MAP2K4: variants seen among roughly 807,000 people sequenced by gnomAD.
MAP2K4 encodes the protein dual specificity mitogen-activated protein kinase kinase 4.
A neutral mutation model predicts 48.5 loss-of-function variants in MAP2K4; 4 were observed. The ratio of observed to expected loss-of-function variants is 0.08; its 90% CI spans 0.04 to 0.19. The LOEUF (loss-of-function observed/expected upper bound fraction) is 0.19, where lower values mean the gene tolerates loss of function less well. Among genes scored for constraint, MAP2K4 ranks in the 10% least tolerant of loss-of-function variants. The pLI is 1.00. For missense variants in MAP2K4, 258 were observed against 493.3 expected (o/e 0.52, Z 4.52); for synonymous variants, 166 against 173.1 (o/e 0.96, Z 0.32).
At chr17:12,114,368 C>T (rs1264325370) in intron 7 of MAP2K4, among the ~76,000 whole-genome samples, 1 of 148,796 alleles carries the variant, frequency 6.7e-6, no homozygotes, top group Non-Finnish European at 1.5e-5. Context: ...ACTTTTTCTT[C>T]AGATGAACAT....
intron 3 of MAP2K4, among the ~76,000 whole-genome samples, chr17:12,085,239 AAAG>A (rs1305914638): frequency 6.6e-6 from 1 of 152,178 alleles, no homozygotes; most frequent in Non-Finnish European, 1.5e-5. Flanking sequence ...ACCTGTCACT[AAAG>A]ATGATGGCAG....
chr17:12,140,366 T>C (rs1421970765), intron 10 of MAP2K4, among the ~76,000 whole-genome samples: 1 of 152,208 alleles, frequency 6.6e-6, no homozygotes, highest in African/African-American at 2.4e-5. Flanking sequence ...GAAAGTGTTG[T>C]GATCTAATAA....
chr17:12,105,805 T>C (rs1972091491), intron 4 of MAP2K4, among the ~76,000 whole-genome samples: 1 of 152,022 alleles, frequency 6.6e-6, no homozygotes, highest in Admixed American at 6.6e-5. Context: ...CTCTTTTCTG[T>C]CCCCCCTTCT....
chr17:12,140,318 T>C (rs1247735143), intron 10 of MAP2K4, among the ~76,000 whole-genome samples: 1 of 152,204 alleles, frequency 6.6e-6, no homozygotes, highest in Non-Finnish European at 1.5e-5. Flanking sequence ...TTGGGTGTTT[T>C]AAGCAGTCTA....
intron 3 of MAP2K4, among the ~76,000 whole-genome samples, chr17:12,086,563 C>G (rs546738821): frequency 6.6e-6 from 1 of 152,016 alleles, no homozygotes; most frequent in Non-Finnish European, 1.5e-5. Context: ...CAGTACTGTT[C>G]GGGGTTATGT....
Position 12,081,754 on chromosome 17 carries a change from A to G in MAP2K4, c.393+224A>G, listed in dbSNP as rs1367967105. The G allele has an allele frequency of 7.1e-6, 4 of 564,054 alleles. No individual in the cohort carries two copies. Among genetic ancestry groups the G allele is most frequent in the Admixed American group, 3.1e-5 (1 of 32,780 alleles). The allele number at this position is 564,054 out of a possible 1,614,324, so 34.9% of individuals were successfully genotyped here. On this transcript the variant is annotated intron_variant, in intron 3 of 10. Coordinates refer to ENST00000353533, the MANE Select transcript of MAP2K4 (RefSeq NM_003010.4). The surrounding 1 kb of genome is among the most constrained non-coding windows in gnomAD (Gnocchi z 4.2). ...TGTATGAAGTGTGCATGTTGATTGC[A>G]TTTTTGGCATGATGCATTAACATGT...
At chr17:12,085,447 T>C (rs1381420566) in intron 3 of MAP2K4, among the ~76,000 whole-genome samples, 1 of 151,880 alleles carries the variant, frequency 6.6e-6, no homozygotes, top group Non-Finnish European at 1.5e-5. Flanking sequence ...AAAACAGATC[T>C]GTTGTTTGAG....
intron 3 of MAP2K4, among the ~76,000 whole-genome samples, chr17:12,093,572 C>CA (rs1971634623): frequency 6.6e-6 from 1 of 151,916 alleles, no homozygotes; most frequent in Non-Finnish European, 1.5e-5. Context: ...TTTTGTGAAA[C>CA]AAAAGATAAA....
intron 1 of MAP2K4, among the ~76,000 whole-genome samples, chr17:12,029,895 G>A (rs1423026040): frequency 6.6e-6 from 1 of 151,424 alleles, no homozygotes; most frequent in Non-Finnish European, 1.5e-5. Flanking sequence ...TCCAGCATGA[G>A]CGACAGCAAG....
intron 8 of MAP2K4, among the ~76,000 whole-genome samples, chr17:12,127,526 A>C (rs1403327535): frequency 6.6e-6 from 1 of 152,234 alleles, no homozygotes; most frequent in East Asian, 1.9e-4. Context: ...ACTTTTAGCT[A>C]AACCTTGTTG....
At chr17:12,024,798 C>T (rs1598011193) in intron 1 of MAP2K4, among the ~76,000 whole-genome samples, 1 of 152,130 alleles carries the variant, frequency 6.6e-6, no homozygotes, top group East Asian at 1.9e-4. Flanking sequence ...ACCTAAAGTA[C>T]GGAATTGACT....
At chr17:12,104,502 T>A (rs1285060361) in intron 4 of MAP2K4, among the ~76,000 whole-genome samples, 1 of 152,202 alleles carries the variant, frequency 6.6e-6, no homozygotes, top group Non-Finnish European at 1.5e-5. Flanking sequence ...TATCTCACTT[T>A]TAAAATTGCA....
chr17:12,105,302 C>CT (rs1394042582), intron 4 of MAP2K4, among the ~76,000 whole-genome samples: 1 of 152,086 alleles, frequency 6.6e-6, no homozygotes, highest in African/African-American at 2.4e-5. Context: ...TAATCATGGT[C>CT]TGCTACTCCA....
rs565539109 is a variant in MAP2K4, at chr17:12,127,681, A to G, written c.892-1458A>G. Among the ~76,000 whole-genome samples, 4 of 152,356 alleles carry G rather than the reference A, an allele frequency of 2.6e-5. No individual in the cohort carries two copies. The East Asian group carries it at 7.7e-4, about 29-fold the overall frequency. Reference sequence around the variant, plus strand: ...CATACAGCCAACTTTTCCTTCTATTATTAAAACACAAGAAGGAATCTAATG... The same window carrying G: ...CATACAGCCAACTTTTCCTTCTATTGTTAAAACACAAGAAGGAATCTAATG... On this transcript the variant is annotated intron_variant, in intron 8 of 10. Transcript: ENST00000353533.
intron 1 of MAP2K4, among the ~76,000 whole-genome samples, chr17:12,053,174 T>TA (rs924192995): frequency 3.9e-5 from 6 of 152,152 alleles, no homozygotes; most frequent in Non-Finnish European, 5.9e-5. Flanking sequence ...GCATATTTAC[T>TA]AAAAAAACCT....
intron 2 of MAP2K4, among the ~76,000 whole-genome samples, chr17:12,069,025 GC>G (rs1970705705): frequency 6.6e-6 from 1 of 152,086 alleles, no homozygotes; most frequent in African/African-American, 2.4e-5. Flanking sequence ...GGAGGGACAG[GC>G]AAAAATTAAA....
At chr17:12,119,772 G>T (rs1415455337) in intron 7 of MAP2K4, among the ~76,000 whole-genome samples, 1 of 152,180 alleles carries the variant, frequency 6.6e-6, no homozygotes, top group Non-Finnish European at 1.5e-5. Flanking sequence ...ACTGGATAAA[G>T]AAAATGTGGT....
intron 3 of MAP2K4, 164 bp from the exon 4 acceptor site, chr17:12,095,411 T>G (rs1007015078): frequency 2.7e-6 from 2 of 745,606 alleles, no homozygotes; most frequent in Non-Finnish European, 4.5e-6. Flanking sequence ...TTAAAGTAAT[T>G]CTTGTGAAGT....
At chr17:12,126,556 G>C (rs890461154) in intron 8 of MAP2K4, among the ~76,000 whole-genome samples, 2 of 152,174 alleles carry the variant, frequency 1.3e-5, no homozygotes, top group Non-Finnish European at 2.9e-5. Context: ...TGGCAGAAGA[G>C]GCAAGAGAGC....
Sources: gnomAD v4.1 joint callset for allele counts (sites outside exome capture counted in the v4.1 genomes callset) on GRCh38, gnomAD v4.1.1 for gene constraint, Gnocchi (gnomAD v3.1) non-coding constraint, MANE v1.5 for transcripts, NCBI Gene and HGNC (gene_info 2026-07-23, HGNC 2026-07-21) for gene names.